Variants in COPE observed in about 807,000 individuals in gnomAD.
COPE encodes coat protein complex I subunit epsilon, also known as coatomer subunit epsilon.
Under a neutral mutation model 42.1 loss-of-function variants are expected in COPE, and 19 were observed. That is an observed-to-expected ratio of 0.45 (90% CI 0.31 to 0.66). The LOEUF is 0.66. COPE is among the 30% of genes least tolerant of loss of function. The pLI is 0.05. For synonymous variants in COPE, 195 were observed against 181.3 expected, an observed-to-expected ratio of 1.08 and a Z score of -0.60; for missense variants, 402 against 416.1, an observed-to-expected ratio of 0.97 and a Z score of 0.30.
chr19:18,904,896 C>T, intron 5 of COPE, 44 bp from the exon 6 acceptor site: 3 of 1,525,606 alleles, frequency 2.0e-6, no homozygotes, highest in Non-Finnish European at 2.7e-6. Context: ...GGCCGAGGGC[C>T]CTGGCCTGGC....
At chr19:18,919,129 G>C in intron 1 of COPE, 94 bp downstream of exon 1, 1 of 1,405,412 alleles carries the variant, frequency 7.1e-7, no homozygotes, top group South Asian at 1.2e-5. Context: ...GAGAAGAAAA[G>C]AGAAAGTTTT....
chr19:18,910,275 T>C (rs1431039013), intron 3 of COPE, among the ~76,000 whole-genome samples: 2 of 152,104 alleles, frequency 1.3e-5, no homozygotes, highest in Non-Finnish European at 2.9e-5. Context: ...ACCCTCCCAC[T>C]GGGCTCCAGG....
At chr19:18,903,698 G>A (rs1382966556) in intron 6 of COPE, among the ~76,000 whole-genome samples, 1 of 152,234 alleles carries the variant, frequency 6.6e-6, no homozygotes, top group African/African-American at 2.4e-5. Context: ...AGGCCTCAGT[G>A]CACAGGTGGC....
chr19:18,900,624 C>A (rs1466291447), intron 7 of COPE, among the ~76,000 whole-genome samples, 175 bp from the exon 8 acceptor site: 1 of 151,490 alleles, frequency 6.6e-6, no homozygotes, highest in Non-Finnish European at 1.5e-5. Flanking sequence ...TGCCAAGGGG[C>A]CAGCCGCCTC....
intron 4 of COPE, 52 bp from the exon 5 acceptor site, chr19:18,905,681 T>C: frequency 6.5e-7 from 1 of 1,548,462 alleles, no homozygotes; most frequent in East Asian, 2.3e-5. Context: ...ACACATTGCA[T>C]GGCCGCTCCA....
chr19:18,912,309 T>C (rs143776183), intron 2 of COPE, among the ~76,000 whole-genome samples: 1,887 of 152,164 alleles, frequency 0.012, 19 homozygotes, highest in Non-Finnish European at 0.018. Context: ...ACCATGACTG[T>C]CTTATTTTTT....
At chr19:18,904,665 G>A in intron 6 of COPE, 106 bp downstream of exon 6, 1 of 961,018 alleles carries the variant, frequency 1.0e-6, no homozygotes, top group Non-Finnish European at 1.6e-6. Context: ...CCTGATCCTG[G>A]AGCCCCACTG....
chr19:18,902,680 GAAGAAAGGA>G (rs1341959118), intron 7 of COPE, among the ~76,000 whole-genome samples: 2 of 68,050 alleles, frequency 2.9e-5, no homozygotes, highest in East Asian at 6.0e-4. Context: ...AAAAAAAAAA[GAAGAAAGGA>G]AAGGAAGGAA....
chr19:18,916,457 C>T (rs949508268), intron 1 of COPE, among the ~76,000 whole-genome samples: 5 of 151,666 alleles, frequency 3.3e-5, no homozygotes, highest in African/African-American at 1.2e-4. Flanking sequence ...AGTTCGAGAT[C>T]AGCCTGACCA....
intron 3 of COPE, among the ~76,000 whole-genome samples, chr19:18,907,405 G>A (rs1314372246): frequency 1.3e-5 from 2 of 152,200 alleles, no homozygotes; most frequent in Non-Finnish European, 2.9e-5. Context: ...GCCTTCCTGA[G>A]GAGGCTGGTG....
chr19:18,902,942 T>C (rs944067308), intron 7 of COPE, among the ~76,000 whole-genome samples: 23 of 150,296 alleles, frequency 1.5e-4, no homozygotes, highest in Non-Finnish European at 2.8e-4. Context: ...GTACGGGGAG[T>C]GTCTCTCCAA....
chr19:18,900,556 G>A (rs1045045686), intron 7 of COPE, 107 bp from the exon 8 acceptor site: 1 of 845,928 alleles, frequency 1.2e-6, no homozygotes, highest in Non-Finnish European at 1.9e-6. Flanking sequence ...CTCCTCAGAG[G>A]TGGGGTGGGA....
intron 2 of COPE, among the ~76,000 whole-genome samples, chr19:18,912,742 A>G (rs2145077714): frequency 6.6e-6 from 1 of 151,136 alleles, no homozygotes; most frequent in East Asian, 2.0e-4. Context: ...CCGTCTCAAA[A>G]AAAAAAAAAA....
chr19:18,905,652 G>A (rs753099907), intron 4 of COPE, 23 bp from the exon 5 acceptor site: 11 of 1,582,812 alleles, frequency 6.9e-6, no homozygotes, highest in African/African-American at 5.4e-5. Context: ...GCGAGGGGGC[G>A]GTCAGCGGGT....
Position 18,919,326 on chromosome 19 carries a change from G to A in COPE, c.23C>T (p.Pro8Leu), listed in dbSNP as rs201702272. Reference sequence around the variant, plus strand: ...TACCTCCCCGGAGCCGCCGGAGGCCGGGCCGGGGGCCGGAGGCGCCATTTC... The same window carrying A: ...TACCTCCCCGGAGCCGCCGGAGGCCAGGCCGGGGGCCGGAGGCGCCATTTC... MAPPAPG[P>L]ASGGSGEVDE... The change falls in exon 1 of 10, where the codon CCG (proline) becomes CTG (leucine). Residue 8 changes from proline to leucine, a missense_variant. Pro to Leu is a moderately conservative substitution (Grantham distance 98, BLOSUM62 -3). Transcript: ENST00000262812. 10 of 1,613,354 alleles carry A rather than the reference G, an allele frequency of 6.2e-6. No individual in the cohort carries two copies. The highest frequency in any genetic ancestry group is 7.6e-6 in the Non-Finnish European group (9 of 1,179,938).
At chr19:18,918,187 C>CAAAAAAAAAAAAAA (rs771893763) in intron 1 of COPE, among the ~76,000 whole-genome samples, 2 of 50,188 alleles carry the variant, frequency 4.0e-5, no homozygotes, top group Non-Finnish European at 7.0e-5. Flanking sequence ...GTCTCCATCT[C>CAAAAAAAAAAAAAA]AAAAAAAAAA....
chr19:18,906,821 G>A (rs1228987040), intron 4 of COPE, 139 bp downstream of exon 4: 1 of 1,030,230 alleles, frequency 9.7e-7, no homozygotes. Flanking sequence ...CTGGAGCCTG[G>A]ACAGCAGGCC....
intron 7 of COPE, 103 bp downstream of exon 7, chr19:18,903,165 C>T (rs2056724706): frequency 7.9e-7 from 1 of 1,267,410 alleles, no homozygotes; most frequent in African/African-American, 1.5e-5. Context: ...GCCACACGCA[C>T]ACCCAGGGGG....
intron 2 of COPE, among the ~76,000 whole-genome samples, chr19:18,912,717 C>T (rs7250615): frequency 0.22 from 32,290 of 145,520 alleles, 5,395 homozygotes; most frequent in African/African-American, 0.48. Flanking sequence ...AGATCGAGTA[C>T]GACAGAGTGA....
Sources: gnomAD v4.1 joint callset for allele counts (sites outside exome capture counted in the v4.1 genomes callset) on GRCh38, gnomAD v4.1.1 for gene constraint, MANE v1.5 for transcripts, NCBI Gene and HGNC (gene_info 2026-07-23, HGNC 2026-07-21) for gene names.